Variants in PHEX observed in about 807,000 individuals in gnomAD.
The protein encoded by PHEX is phosphate regulating endopeptidase X-linked.
Under a neutral mutation model 68.0 loss-of-function variants are expected in PHEX, and 16 were observed. The observed-to-expected ratio is 0.24, with a 90% CI of 0.16 to 0.36. The LOEUF is 0.36. PHEX is among the 10% of genes least tolerant of loss of function. PHEX has a pLI of 1.00. For missense variants in PHEX, 480 were observed against 575.5 expected, an observed-to-expected ratio of 0.83 and a Z score of 1.70; for synonymous variants, 208 against 205.1, an observed-to-expected ratio of 1.01 and a Z score of -0.12.
intron 3 of PHEX, among the ~76,000 whole-genome samples, chrX:22,051,734 T>C (rs149347887): frequency 0.016 from 1,831 of 111,226 alleles, 24 homozygotes; most frequent in African/African-American, 0.054. Context: ...ATATATATAG[T>C]GTATCATCCT....
At position 22,244,410 on chromosome X, in the gene PHEX, G is replaced by A. The variant is rs1040252026; in HGVS notation, c.2071-923G>A. Reference sequence around the variant, plus strand: ...TAAGAAGCTTCCACGTTCTGCACATGTACCCCAGAATTTAAAGTATAATAA... The same window carrying A: ...TAAGAAGCTTCCACGTTCTGCACATATACCCCAGAATTTAAAGTATAATAA... On this transcript the variant is annotated intron_variant, in intron 20 of 21. Coordinates refer to ENST00000379374, the MANE Select transcript of PHEX (RefSeq NM_000444.6). Among the ~76,000 whole-genome samples, 5 of 101,958 alleles carry A rather than the reference G, an allele frequency of 4.9e-5. No homozygotes were observed. The Admixed American group carries it at 5.2e-4, about 11-fold the overall frequency. 88.5% of individuals were successfully genotyped at this position (101,958 alleles called of 115,157 possible).
At chrX:22,072,256 CA>C (rs1928936136) in intron 3 of PHEX, among the ~76,000 whole-genome samples, 1 of 106,418 alleles carries the variant, frequency 9.4e-6, no homozygotes. Context: ...AAACAAAAAA[CA>C]AAAAATAGCT....
intron 7 of PHEX, among the ~76,000 whole-genome samples, chrX:22,095,933 T>A: frequency 9.0e-6 from 1 of 111,669 alleles, no homozygotes; most frequent in Non-Finnish European, 1.9e-5. Flanking sequence ...CCAATCCAGC[T>A]AGAGAGATGT....
intron 9 of PHEX, among the ~76,000 whole-genome samples, chrX:22,107,379 C>A (rs984269067): frequency 8.9e-6 from 1 of 112,363 alleles, no homozygotes; most frequent in Admixed American, 9.4e-5. Flanking sequence ...TGACCTCCTT[C>A]TCGTCTCCAC....
intron 9 of PHEX, among the ~76,000 whole-genome samples, chrX:22,104,532 A>G (rs2147053610): frequency 8.9e-6 from 1 of 111,847 alleles, no homozygotes; most frequent in Non-Finnish European, 1.9e-5. Context: ...TCTCATGTTG[A>G]TAGTTTCAAT....
In PHEX at chrX:22,186,350, A is replaced by G. The variant is rs147981353; in HGVS notation, c.1587-4094A>G. Among the ~76,000 whole-genome samples, 53 of 112,252 alleles carry G rather than the reference A, an allele frequency of 4.7e-4. No individual in the cohort carries two copies. In the Middle Eastern group the frequency reaches 0.023, roughly 49 times the overall value. ...AGTCACACTGTCATTTCTGCTGCGT[A>G]TTATTCTTTAGAAGTGAGTCACTAA... On this transcript the variant is annotated intron_variant, in intron 14 of 21. Coordinates refer to ENST00000379374, the MANE Select transcript of PHEX (RefSeq NM_000444.6).
chrX:22,244,850 A>C (rs930800254), intron 20 of PHEX, among the ~76,000 whole-genome samples: 1 of 111,706 alleles, frequency 9.0e-6, no homozygotes, highest in East Asian at 2.8e-4. Flanking sequence ...GCCATGCCCA[A>C]CTTCAAAGGA....
Position 22,232,596 on chromosome X carries a change from C to CTTTTTTTTTTTTTTTTTTTTTTTT in PHEX, c.2070+4992_2070+5015dup, listed in dbSNP as rs745474280. On this transcript the variant is annotated intron_variant, in intron 20 of 21. Coordinates refer to ENST00000379374, the MANE Select transcript of PHEX (RefSeq NM_000444.6). ...TCAGAGATTAGGATTGCCACTTCTG[C>CTTTTTTTTTTTTTTTTTTTTTTTT]TTTTTTTTTTTTTTTTTTTTTTTTT... Among the ~76,000 whole-genome samples the CTTTTTTTTTTTTTTTTTTTTTTTT allele has an allele frequency of 2.2e-4, 4 of 18,557 alleles. 1 individual carries two copies. Among genetic ancestry groups the CTTTTTTTTTTTTTTTTTTTTTTTT allele is most frequent in the African/African-American group, 5.6e-4 (3 of 5,366 alleles). The allele number at this position is 18,557 out of a possible 115,157, so 16.1% of individuals were successfully genotyped here. A position where few individuals can be genotyped will look rare whatever the true frequency, so the allele number is the denominator to read the frequency against.
intron 18 of PHEX, among the ~76,000 whole-genome samples, chrX:22,224,617 C>T (rs1602408991): frequency 9.0e-6 from 1 of 111,056 alleles, no homozygotes; most frequent in African/African-American, 3.3e-5. Context: ...GCTACACTCT[C>T]GGAGCTTTAG....
chrX:22,231,589 T>A (rs1276027047), intron 20 of PHEX, among the ~76,000 whole-genome samples: 6 of 111,980 alleles, frequency 5.4e-5, no homozygotes, highest in Non-Finnish European at 1.1e-4. Flanking sequence ...CTGATGGTAG[T>A]TTGAATTTCT....
Position 22,248,023 on chromosome X carries a change from C to T in PHEX, c.*70C>T, listed in dbSNP as rs1028011763. On this transcript the variant is annotated 3_prime_UTR_variant, in exon 22 of 22. Transcript: ENST00000379374. The stretch of plus-strand genomic sequence containing the variant: ...AGCGGAGGCTGCACTGAGCCTTCAT[C>T]GCCCATTGCTTTAGGCCTGGAGACT... 6.6e-6 allele frequency: 5 copies of T among 755,264 alleles called. No homozygotes were observed. Among genetic ancestry groups the T allele is most frequent in the Non-Finnish European group, 1.0e-5 (5 of 480,164 alleles). 62.2% of individuals were successfully genotyped at this position (755,264 alleles called of 1,213,427 possible).
At chrX:22,122,743 G>A (rs1462247231) in intron 11 of PHEX, among the ~76,000 whole-genome samples, 2 of 111,180 alleles carry the variant, frequency 1.8e-5, no homozygotes, top group East Asian at 2.8e-4. Flanking sequence ...GGCTGATCAA[G>A]GTTGGCTTTG....
chrX:22,219,908 C>T (rs986609751), intron 17 of PHEX, among the ~76,000 whole-genome samples: 12 of 111,904 alleles, frequency 1.1e-4, no homozygotes, highest in South Asian at 3.8e-4. Context: ...TGAGCTACCG[C>T]GCCTGGCCTA....
rs1168276864 is a variant in PHEX at position 22,125,103 on chromosome X, T to C, written c.1303-8420T>C. ...AGTATAAGTAATTAATTAATGAATA[T>C]TTCATATTTATTGGTGCATTCATTT... On this transcript the variant is annotated intron_variant, in intron 11 of 21. Coordinates refer to ENST00000379374, the MANE Select transcript of PHEX (RefSeq NM_000444.6). Among the ~76,000 whole-genome samples the C allele has an allele frequency of 3.2e-4, 36 of 112,222 alleles. 1 individual carries two copies.
intron 2 of PHEX, among the ~76,000 whole-genome samples, chrX:22,039,939 A>C (rs1422280373): frequency 9.0e-6 from 1 of 111,677 alleles, no homozygotes; most frequent in African/African-American, 3.3e-5. Flanking sequence ...CTGTCTCAAA[A>C]AAAACAAAAC....
At position 22,248,878 on chromosome X, in the gene PHEX, T is replaced by C. The variant is rs1936469193; in HGVS notation, c.*925T>C. ...GTACTGGTTTTGAAATGAGCAGACA[T>C]TGAGAAAACAATTTTCTGATTCCCC... On this transcript the variant is annotated 3_prime_UTR_variant, in exon 22 of 22. Transcript: ENST00000379374. 1 of 111,470 alleles carries C rather than the reference T, an allele frequency of 9.0e-6. No homozygotes were observed. Among genetic ancestry groups the C allele is most frequent in the East Asian group, 2.8e-4 (1 of 3,537 alleles). 9.2% of individuals were successfully genotyped at this position (111,470 alleles called of 1,213,427 possible).
rs140621527 is a variant in PHEX, at chrX:22,087,573, T to G, written c.664-2856T>G. Among the ~76,000 whole-genome samples, 966 of 111,928 alleles carry G rather than the reference T, an allele frequency of 8.6e-3. 14 individuals carry two copies. The highest frequency in any genetic ancestry group is 0.029 in the African/African-American group (905 of 30,838). On this transcript the variant is annotated intron_variant, in intron 5 of 21. Coordinates refer to ENST00000379374, the MANE Select transcript of PHEX (RefSeq NM_000444.6). ...AATTTGTTGTATATTAAGGGCAGTT[T>G]CATGGAAAACTGTAATCTTATACAA... is the stretch of plus-strand genomic sequence containing the variant.
At chrX:22,245,489 T>TA in intron 21 of PHEX, 80 bp downstream of exon 21, 1 of 677,978 alleles carries the variant, frequency 1.5e-6, no homozygotes, top group South Asian at 2.2e-5. Flanking sequence ...CCAAGGGCTC[T>TA]ACCAGATAGG....
At chrX:22,212,816 C>A in intron 15 of PHEX, 88 bp from the exon 16 acceptor site, 3 of 730,235 alleles carry the variant, frequency 4.1e-6, no homozygotes, top group Non-Finnish European at 6.6e-6. Flanking sequence ...TCAGATGGGT[C>A]TTTGAAACCT....
Sources: allele counts gnomAD v4.1 joint callset (sites outside exome capture counted in the v4.1 genomes callset), GRCh38; gene constraint gnomAD v4.1.1; transcripts MANE v1.5; gene names NCBI Gene and HGNC (gene_info 2026-07-23, HGNC 2026-07-21).